The following MAN2A1 variants were observed in gnomAD, a reference collection of about 807,000 sequenced individuals.
The protein encoded by MAN2A1 is alpha-mannosidase 2.
In MAN2A1, 76 loss-of-function variants were observed where a neutral mutation model predicts 142.6. That is an observed-to-expected ratio of 0.53 (90% CI 0.44 to 0.65). The LOEUF is 0.65. MAN2A1 is among the 30% of genes least tolerant of loss of function. The pLI is 0.00. For missense variants in MAN2A1, 1,311 were observed against 1,365.1 expected, an observed-to-expected ratio of 0.96 and a Z score of 0.62; for synonymous variants, 559 against 473.2, an observed-to-expected ratio of 1.18 and a Z score of -2.35.
chr5:109,798,084 G>A (rs1011142313), intron 12 of MAN2A1, among the ~76,000 whole-genome samples: 11 of 152,152 alleles, frequency 7.2e-5, no homozygotes, highest in East Asian at 3.8e-4. Context: ...ACAATTAGAC[G>A]TAGTGAAATC....
At chr5:109,700,462 G>A (rs1750946848) in intron 1 of MAN2A1, among the ~76,000 whole-genome samples, 1 of 152,164 alleles carries the variant, frequency 6.6e-6, no homozygotes, top group Non-Finnish European at 1.5e-5. Flanking sequence ...CACAGATGTA[G>A]AGGAATGTGG....
At chr5:109,764,659 C>G (rs974574564) in intron 5 of MAN2A1, among the ~76,000 whole-genome samples, 5 of 152,142 alleles carry the variant, frequency 3.3e-5, no homozygotes, top group African/African-American at 1.2e-4. Context: ...TCCATTGCAG[C>G]TAGGTTGCTA....
At chr5:109,757,226 C>CGT (rs1752712231) in intron 5 of MAN2A1, among the ~76,000 whole-genome samples, 1 of 152,132 alleles carries the variant, frequency 6.6e-6, no homozygotes, top group African/African-American at 2.4e-5. Context: ...CCTCTCTACA[C>CGT]AATGCCCTTT....
intron 5 of MAN2A1, among the ~76,000 whole-genome samples, chr5:109,764,179 T>C (rs1041126980): frequency 8.5e-5 from 13 of 152,150 alleles, no homozygotes; most frequent in African/African-American, 3.1e-4. Context: ...TGATTCCTCT[T>C]AAACTATAGT....
intron 16 of MAN2A1, among the ~76,000 whole-genome samples, chr5:109,836,287 G>GTT (rs201375238): frequency 5.3e-5 from 8 of 150,764 alleles, no homozygotes; most frequent in South Asian, 2.1e-4. Flanking sequence ...TTTTTGTGGG[G>GTT]TTTTTTTTTA....
chr5:109,769,967 T>G (rs1008132468), intron 6 of MAN2A1, among the ~76,000 whole-genome samples: 5 of 152,198 alleles, frequency 3.3e-5, no homozygotes, highest in African/African-American at 9.6e-5. Context: ...ATGGTATCTC[T>G]CAGTGAATTC....
intron 4 of MAN2A1, among the ~76,000 whole-genome samples, chr5:109,741,130 T>A (rs1752256510): frequency 6.6e-6 from 1 of 152,154 alleles, no homozygotes; most frequent in South Asian, 2.1e-4. Context: ...AACAGCTTTT[T>A]TGGCATTGGA....
intron 4 of MAN2A1, among the ~76,000 whole-genome samples, chr5:109,730,854 C>T (rs1226370644): frequency 7.9e-5 from 12 of 152,296 alleles, no homozygotes; most frequent in African/African-American, 2.9e-4. Context: ...CAGAGGCTGT[C>T]TTCTTTGCAC....
At chr5:109,849,042 T>C (rs1179823546) in intron 19 of MAN2A1, among the ~76,000 whole-genome samples, 1 of 152,216 alleles carries the variant, frequency 6.6e-6, no homozygotes, top group African/African-American at 2.4e-5. Flanking sequence ...CACTGGCCAT[T>C]GTCACTCTCT....
chr5:109,822,796 G>C (rs1302599421), intron 15 of MAN2A1, among the ~76,000 whole-genome samples: 1 of 151,970 alleles, frequency 6.6e-6, no homozygotes, highest in African/African-American at 2.4e-5. Context: ...TCCTGCCTCA[G>C]CCTCCCGAGT....
At chr5:109,846,035 C>T (rs1247512281) in intron 18 of MAN2A1, 29 bp downstream of exon 18, 3 of 1,568,402 alleles carry the variant, frequency 1.9e-6, no homozygotes, top group African/African-American at 1.4e-5. Flanking sequence ...CTTTTCCACT[C>T]TGAAAGGTTT....
intron 5 of MAN2A1, 123 bp from the exon 6 acceptor site, chr5:109,767,412 G>T: frequency 4.2e-6 from 3 of 715,422 alleles, no homozygotes; most frequent in Non-Finnish European, 6.7e-6. Context: ...GATAATGCTG[G>T]GTAGATCCTT....
At chr5:109,782,547 A>G (rs960526930) in intron 9 of MAN2A1, among the ~76,000 whole-genome samples, 2 of 152,152 alleles carry the variant, frequency 1.3e-5, no homozygotes, top group Non-Finnish European at 1.5e-5. Flanking sequence ...CATTTTCATG[A>G]TGAATCTTGA....
chr5:109,862,598 G>A (rs529635580), intron 20 of MAN2A1: 1 of 152,186 alleles, frequency 6.6e-6, no homozygotes, highest in South Asian at 2.1e-4. Context: ...TCCAAAATCT[G>A]TTTACTCTCC....
chr5:109,708,371 G>A (rs371988958), intron 1 of MAN2A1, among the ~76,000 whole-genome samples: 1 of 152,064 alleles, frequency 6.6e-6, no homozygotes, highest in African/African-American at 2.4e-5. Flanking sequence ...ATGAATGAAT[G>A]GGAGTTTGTA....
rs1168545459 is a variant in MAN2A1 at position 109,868,825 on chromosome 5, A to G, written c.*1827A>G. 6.6e-6 allele frequency: 1 copy of G among 152,206 alleles called. No homozygotes were observed. Among genetic ancestry groups the G allele is most frequent in the Non-Finnish European group, 1.5e-5 (1 of 68,034 alleles). The allele number at this position is 152,206 out of a possible 1,614,324, so 9.4% of individuals were successfully genotyped here. A position where few individuals can be genotyped will look rare whatever the true frequency, so the allele number is the denominator to read the frequency against. ...GGGTTGCCAGAAGCAAATCCCAGGA[A>G]TGAGATCAGTATTTTCATTGCATCT... On this transcript the variant is annotated 3_prime_UTR_variant, in exon 22 of 22. Coordinates refer to ENST00000261483, the MANE Select transcript of MAN2A1 (RefSeq NM_002372.4).
chr5:109,779,098 T>C (rs1215004822), intron 8 of MAN2A1, among the ~76,000 whole-genome samples: 1 of 152,160 alleles, frequency 6.6e-6, no homozygotes, highest in East Asian at 1.9e-4. Context: ...ACCAAGAGAC[T>C]TTCTAGAGAA....
intron 1 of MAN2A1, among the ~76,000 whole-genome samples, chr5:109,706,815 G>A (rs2112552681): frequency 6.6e-6 from 1 of 152,136 alleles, no homozygotes; most frequent in South Asian, 2.1e-4. Flanking sequence ...ATACACTTTG[G>A]GGTAAAGTTT....
At chr5:109,727,639 A>G (rs1240295697) in intron 3 of MAN2A1, among the ~76,000 whole-genome samples, 1 of 152,234 alleles carries the variant, frequency 6.6e-6, no homozygotes, top group Non-Finnish European at 1.5e-5. Flanking sequence ...TTGGGTGTTC[A>G]GAATATTTTT....
Sources: gnomAD v4.1 joint callset for allele counts (sites outside exome capture counted in the v4.1 genomes callset) on GRCh38, gnomAD v4.1.1 for gene constraint, MANE v1.5 for transcripts, NCBI Gene and HGNC (gene_info 2026-07-23, HGNC 2026-07-21) for gene names.